MYO1E: variants seen among roughly 807,000 people sequenced by gnomAD.
MYO1E encodes unconventional myosin-Ie.
Under a neutral mutation model 151.1 loss-of-function variants are expected in MYO1E, and 68 were observed. That is an observed-to-expected ratio of 0.45 (90% CI 0.37 to 0.55). The LOEUF (loss-of-function observed/expected upper bound fraction) is 0.55. MYO1E is among the 20% of genes least tolerant of loss of function. MYO1E has a pLI of 0.00. For missense variants in MYO1E, 1,363 were observed against 1,389.3 expected (o/e 0.98, Z 0.30); for synonymous variants, 601 against 501.7 (o/e 1.20, Z -2.64).
chr15:59,260,214 T>C (rs1489315581), intron 3 of MYO1E, among the ~76,000 whole-genome samples: 1 of 152,240 alleles, frequency 6.6e-6, no homozygotes, highest in East Asian at 1.9e-4. Flanking sequence ...GCGCCTTGGC[T>C]GTCATTGAGG....
At chr15:59,371,770 T>A (rs1218355219) in intron 1 of MYO1E, among the ~76,000 whole-genome samples, 2 of 152,010 alleles carry the variant, frequency 1.3e-5, no homozygotes, top group Admixed American at 6.5e-5. Flanking sequence ...AGGAGGTGTT[T>A]ACTTGGCGTC....
intron 10 of MYO1E, among the ~76,000 whole-genome samples, chr15:59,217,303 G>A (rs980895751): frequency 1.2e-4 from 18 of 152,088 alleles, no homozygotes; most frequent in African/African-American, 3.6e-4. Flanking sequence ...GCCCATGAAC[G>A]TGGCTCTCCT....
chr15:59,289,611 T>G (rs1350524240), intron 1 of MYO1E, among the ~76,000 whole-genome samples: 2 of 152,210 alleles, frequency 1.3e-5, no homozygotes, highest in Non-Finnish European at 2.9e-5. Context: ...GGCATTGGCT[T>G]GAAATCTAGA....
At chr15:59,232,123 G>A (rs2140355210) in intron 5 of MYO1E, among the ~76,000 whole-genome samples, 1 of 152,276 alleles carries the variant, frequency 6.6e-6, no homozygotes, top group Non-Finnish European at 1.5e-5. Context: ...CTGAAGGGGC[G>A]TGTCCTTGCT....
chr15:59,208,056 C>T (rs61740133), intron 14 of MYO1E: 101,322 of 1,583,442 alleles, frequency 0.064, 3,939 homozygotes, highest in African/African-American at 0.18. Context: ...CAAAAACACT[C>T]TGGGAAATTC....
Position 59,372,654 on chromosome 15 carries a change from G to A in MYO1E, c.-154C>T, listed in dbSNP as rs745498397. On this transcript the variant is annotated 5_prime_UTR_variant, in exon 1 of 28. Transcript: ENST00000288235. Reference sequence around the variant, plus strand: ...ACTCACAGGAGCCAATGGGAACCCAGAGGGGACTCCATCCAGGCGGGATTG... The same window carrying A: ...ACTCACAGGAGCCAATGGGAACCCAAAGGGGACTCCATCCAGGCGGGATTG... The A allele has an allele frequency of 1.1e-5, 10 of 932,406 alleles. No homozygotes were observed. The highest frequency in any genetic ancestry group is 1.6e-5 in the Non-Finnish European group (10 of 635,104). 57.8% of individuals were successfully genotyped at this position (932,406 alleles called of 1,614,324 possible).
intron 1 of MYO1E, among the ~76,000 whole-genome samples, chr15:59,295,863 T>C (rs1410649444): frequency 6.6e-6 from 1 of 152,124 alleles, no homozygotes; most frequent in African/African-American, 2.4e-5. Context: ...TGTGTATCTG[T>C]CTAGTGTAAC....
chr15:59,201,820 G>C (rs1477981328), intron 16 of MYO1E, among the ~76,000 whole-genome samples: 7 of 152,164 alleles, frequency 4.6e-5, no homozygotes, highest in African/African-American at 1.7e-4. Context: ...TTCAGACTTT[G>C]AGACACCATG....
At chr15:59,269,566 T>A (rs1376361485) in intron 2 of MYO1E, among the ~76,000 whole-genome samples, 1 of 152,138 alleles carries the variant, frequency 6.6e-6, no homozygotes, top group Non-Finnish European at 1.5e-5. Flanking sequence ...ACAATTCAAT[T>A]AAATGAAGCT....
chr15:59,218,115 AT>A, intron 9 of MYO1E, 28 bp from the exon 10 acceptor site: 1 of 1,611,124 alleles, frequency 6.2e-7, no homozygotes, highest in Non-Finnish European at 8.5e-7. Context: ...AAACATGACA[AT>A]CTTTCAGAAT....
At chr15:59,143,072 T>G (rs2079420396) in intron 26 of MYO1E, among the ~76,000 whole-genome samples, 1 of 152,182 alleles carries the variant, frequency 6.6e-6, no homozygotes, top group Non-Finnish European at 1.5e-5. Flanking sequence ...ATGTGGCCAC[T>G]GCGTGGTCTT....
In MYO1E at chr15:59,281,421, G is replaced by A. The variant is rs566571251; in HGVS notation, c.4-8972C>T. Reference sequence around the variant, plus strand: ...CTCCCGAATAGCTGGGACTACAGGCGTGCACTACCACACCAAGCTTATTTT... The same window carrying A: ...CTCCCGAATAGCTGGGACTACAGGCATGCACTACCACACCAAGCTTATTTT... On this transcript the variant is annotated intron_variant, in intron 1 of 27. Coordinates refer to ENST00000288235, the MANE Select transcript of MYO1E (RefSeq NM_004998.4). Among the ~76,000 whole-genome samples, 10 of 151,860 alleles carry A rather than the reference G, an allele frequency of 6.6e-5. No homozygotes were observed. The South Asian group carries it at 1.3e-3, about 19-fold the overall frequency.
intron 17 of MYO1E, among the ~76,000 whole-genome samples, chr15:59,193,446 C>T (rs2079746575): frequency 6.6e-6 from 1 of 152,088 alleles, no homozygotes; most frequent in Non-Finnish European, 1.5e-5. Context: ...ATGCTGCTAC[C>T]CTCTTAGTCT....
In MYO1E at chr15:59,136,826, CTG is replaced by C. The variant is rs1481683206; in HGVS notation, c.*552_*553del. 1 of 454,264 alleles carries C rather than the reference CTG, an allele frequency of 2.2e-6. No homozygotes were observed. The highest frequency in any genetic ancestry group is 7.0e-5 in the East Asian group (1 of 14,360). 28.1% of individuals were successfully genotyped at this position (454,264 alleles called of 1,614,324 possible). The stretch of plus-strand genomic sequence containing the variant: ...CGGCAAAGTGTAAACCAGTGCCCCT[CTG>C]TCGCCCTGGGCTCAGCAGGCCAGCT... On this transcript the variant is annotated 3_prime_UTR_variant, in exon 28 of 28. Coordinates refer to ENST00000288235, the MANE Select transcript of MYO1E (RefSeq NM_004998.4).
intron 1 of MYO1E, among the ~76,000 whole-genome samples, chr15:59,299,209 T>G (rs2140402478): frequency 6.6e-6 from 1 of 152,352 alleles, no homozygotes; most frequent in Middle Eastern, 3.4e-3. Context: ...ACACAGGTTT[T>G]CCATTTTGAC....
intron 26 of MYO1E, among the ~76,000 whole-genome samples, chr15:59,141,968 G>A (rs1361911875): frequency 3.3e-5 from 5 of 151,706 alleles, no homozygotes; most frequent in Admixed American, 6.6e-5. Context: ...TTAGCCGGGC[G>A]TGGTGGCGGG....
At chr15:59,221,141 G>A (rs1251843717) in intron 9 of MYO1E, among the ~76,000 whole-genome samples, 2 of 150,972 alleles carry the variant, frequency 1.3e-5, no homozygotes, top group Non-Finnish European at 2.9e-5. Context: ...CAGAGTAGCT[G>A]GAATTACAGG....
chr15:59,175,042 A>T (rs1370577433), intron 19 of MYO1E, among the ~76,000 whole-genome samples: 1 of 152,052 alleles, frequency 6.6e-6, no homozygotes, highest in Admixed American at 6.5e-5. Context: ...ACCCTAGATG[A>T]TTTCCACACA....
intron 1 of MYO1E, among the ~76,000 whole-genome samples, chr15:59,360,464 C>T (rs2080878870): frequency 6.6e-6 from 1 of 152,164 alleles, no homozygotes; most frequent in African/African-American, 2.4e-5. Flanking sequence ...TTGTCCCCAC[C>T]TTGGAAGGCC....
Sources: allele counts gnomAD v4.1 joint callset (sites outside exome capture counted in the v4.1 genomes callset), GRCh38; gene constraint gnomAD v4.1.1; transcripts MANE v1.5; gene names NCBI Gene and HGNC (gene_info 2026-07-23, HGNC 2026-07-21).